KIF18A: variants seen among roughly 807,000 people sequenced by gnomAD.
KIF18A encodes kinesin-like protein KIF18A.
A neutral mutation model predicts 103.3 loss-of-function variants in KIF18A; 67 were observed. That is an observed-to-expected ratio of 0.65 (90% CI 0.53 to 0.79). The LOEUF (loss-of-function observed/expected upper bound fraction) is 0.79. KIF18A is among the 30% of genes least tolerant of loss of function. KIF18A has a pLI of 0.00. For missense variants in KIF18A, 1,032 were observed against 1,062.5 expected, an observed-to-expected ratio of 0.97 and a Z score of 0.40; for synonymous variants, 367 against 355.5, an observed-to-expected ratio of 1.03 and a Z score of -0.36.
Position 28,073,254 on chromosome 11 carries a change from T to C in KIF18A, c.1425+3753A>G, listed in dbSNP as rs112459184. ...GGGAATTGGCACGAAGTTTTGAGTA[T>C]AGTTATGCATTTCTACACGTATTGT... On this transcript the variant is annotated intron_variant, in intron 10 of 16. Transcript: ENST00000263181. 6.7e-4 allele frequency among the ~76,000 whole-genome samples: 102 copies of C among 152,120 alleles called. 1 individual carries two copies. The highest frequency in any genetic ancestry group is 2.3e-3 in the African/African-American group (96 of 41,548).
At chr11:28,047,142 A>C (rs535763185) in intron 13 of KIF18A, among the ~76,000 whole-genome samples, 1 of 152,050 alleles carries the variant, frequency 6.6e-6, no homozygotes, top group African/African-American at 2.4e-5. Context: ...ATATTCCAAT[A>C]GAAAACAGAA....
chr11:28,089,097 G>GT (rs1851269185), intron 5 of KIF18A, among the ~76,000 whole-genome samples: 1 of 152,168 alleles, frequency 6.6e-6, no homozygotes. Flanking sequence ...AGAATGCCTT[G>GT]TATGTATCTA....
rs907443595 is a variant in KIF18A at position 28,058,822 on chromosome 11, T to A, written c.1948+104A>T. The A allele has an allele frequency of 2.2e-5, 19 of 852,716 alleles. No homozygotes were observed. The Admixed American group carries it at 4.8e-4, about 22-fold the overall frequency. The allele number at this position is 852,716 out of a possible 1,614,324, so 52.8% of individuals were successfully genotyped here. A position where few individuals can be genotyped will look rare whatever the true frequency, so the allele number is the denominator to read the frequency against. ...AAGCTAATTTTCCCATTAATTTTCA[T>A]AAAATAGACAAACCTATTAAAATTA... is the stretch of plus-strand genomic sequence containing the variant. On this transcript the variant is annotated intron_variant, in intron 13 of 16. Coordinates refer to ENST00000263181, the MANE Select transcript of KIF18A (RefSeq NM_031217.4).
intron 1 of KIF18A, among the ~76,000 whole-genome samples, chr11:28,098,753 T>G (rs1383335627): frequency 6.6e-6 from 1 of 151,990 alleles, no homozygotes; most frequent in Non-Finnish European, 1.5e-5. Context: ...CTGGTTCACA[T>G]GCAAAGAAGA....
intron 6 of KIF18A, among the ~76,000 whole-genome samples, chr11:28,086,392 C>A (rs1204264517): frequency 6.6e-6 from 1 of 152,022 alleles, no homozygotes; most frequent in African/African-American, 2.4e-5. Flanking sequence ...TCAAGATTTT[C>A]TTTTACCTAA....
At chr11:28,080,346 CTGTT>C (rs948162581) in intron 9 of KIF18A, among the ~76,000 whole-genome samples, 7 of 121,888 alleles carry the variant, frequency 5.7e-5, no homozygotes, top group African/African-American at 2.0e-4. Context: ...TTTGCAGACA[CTGTT>C]TTTTTTTTTT....
At chr11:28,025,838 G>T (rs1275671283) in intron 15 of KIF18A, among the ~76,000 whole-genome samples, 2 of 151,868 alleles carry the variant, frequency 1.3e-5, no homozygotes, top group African/African-American at 4.8e-5. Context: ...TTAACCTTTT[G>T]CTCCCTTATA....
intron 13 of KIF18A, among the ~76,000 whole-genome samples, chr11:28,038,956 T>C (rs1850526746): frequency 6.6e-6 from 1 of 151,662 alleles, no homozygotes; most frequent in South Asian, 2.1e-4. Context: ...GCAGATTAAC[T>C]TCTTTTCCCA....
chr11:28,098,718 T>C (rs1851406605), intron 1 of KIF18A, among the ~76,000 whole-genome samples: 1 of 152,148 alleles, frequency 6.6e-6, no homozygotes, highest in Admixed American at 6.6e-5. Context: ...ATAGCAGGTT[T>C]AAAAATTATG....
At chr11:28,094,598 C>T (rs778341827) in intron 3 of KIF18A, 45 bp downstream of exon 3, 17 of 1,344,116 alleles carry the variant, frequency 1.3e-5, no homozygotes, top group Non-Finnish European at 1.8e-5. Flanking sequence ...TGAATCATGT[C>T]AATGATTTCC....
chr11:28,089,466 A>G (rs1227219414), intron 5 of KIF18A, among the ~76,000 whole-genome samples: 3 of 152,212 alleles, frequency 2.0e-5, no homozygotes, highest in Non-Finnish European at 4.4e-5. Context: ...AGTCTCATGT[A>G]CTGTACATAA....
At chr11:28,073,126 A>G (rs896563691) in intron 10 of KIF18A, among the ~76,000 whole-genome samples, 1 of 152,134 alleles carries the variant, frequency 6.6e-6, no homozygotes, top group Non-Finnish European at 1.5e-5. Flanking sequence ...TATGTTTAAC[A>G]TCATGTGCCA....
rs927696163 is a variant in KIF18A at position 28,039,447 on chromosome 11, A to C, written c.1949-2783T>G. Among the ~76,000 whole-genome samples, 4 of 151,756 alleles carry C rather than the reference A, an allele frequency of 2.6e-5. No homozygotes were observed. In the East Asian group the frequency reaches 7.7e-4, roughly 29 times the overall value. ...CATTTTAAACTTTAAAATACAATGG[A>C]ACATGAAATCTCAAGGGACAAGAAT... On this transcript the variant is annotated intron_variant, in intron 13 of 16. Coordinates refer to ENST00000263181, the MANE Select transcript of KIF18A (RefSeq NM_031217.4).
intron 9 of KIF18A, among the ~76,000 whole-genome samples, chr11:28,080,091 A>C (rs2133549999): frequency 6.6e-6 from 1 of 152,252 alleles, no homozygotes; most frequent in East Asian, 1.9e-4. Context: ...ATTTACATGA[A>C]ATATACAAAT....
intron 10 of KIF18A, among the ~76,000 whole-genome samples, chr11:28,074,522 C>A (rs967860211): frequency 2.0e-5 from 3 of 152,086 alleles, no homozygotes; most frequent in Non-Finnish European, 4.4e-5. Context: ...AAAAAGCACA[C>A]ACTCAATAAA....
rs955711634 is a variant in KIF18A at position 28,021,067 on chromosome 11, C to T, written c.*133G>A. ...ACAAAGAGTTTCATTTTTCTGCTTG[C>T]TGAAAGTACTTGGGTAAACTTAGCT... On this transcript the variant is annotated 3_prime_UTR_variant, in exon 17 of 17. Coordinates refer to ENST00000263181, the MANE Select transcript of KIF18A (RefSeq NM_031217.4). 2.2e-5 allele frequency: 17 copies of T among 787,902 alleles called. No individual in the cohort carries two copies. The East Asian group carries it at 5.5e-4, about 25-fold the overall frequency. The allele number at this position is 787,902 out of a possible 1,614,324, so 48.8% of individuals were successfully genotyped here.
chr11:28,097,911 T>C lies in KIF18A; in HGVS notation c.37A>G (p.Lys13Glu). The C allele has an allele frequency of 6.3e-7, 1 of 1,598,634 alleles. No homozygotes were observed. Among genetic ancestry groups the C allele is most frequent in the Non-Finnish European group, 8.5e-7 (1 of 1,173,500 alleles). ...TCCGGACGTACACGAACTACTACTT[T>C]CATATGGTGGCACAGGTCTTCCTCA... ...VTEEDLCHHMKVVVRVRPENT... is the reference protein window; with the variant it reads ...VTEEDLCHHMEVVVRVRPENT... The change falls in exon 2 of 17, where the codon AAA becomes GAA. Residue 13 changes from lysine (K) to glutamate (E), a missense_variant. By Grantham distance (56) the Lys-to-Glu change is moderately conservative. Coordinates refer to ENST00000263181, the MANE Select transcript of KIF18A (RefSeq NM_031217.4).
At chr11:28,086,538 A>AT (rs1851230848) in intron 6 of KIF18A, among the ~76,000 whole-genome samples, 1 of 152,248 alleles carries the variant, frequency 6.6e-6, no homozygotes, top group Non-Finnish European at 1.5e-5. Context: ...AAGCAACCTA[A>AT]TGTTATCCAA....
At position 28,082,937 on chromosome 11, in the gene KIF18A, T is replaced by A. The variant is rs558049660; in HGVS notation, c.1181A>T (p.Tyr394Phe). Residue 394 changes from tyrosine to phenylalanine, a missense_variant, in exon 9 of 17, where the codon TAT (tyrosine) becomes TTT (phenylalanine). By Grantham distance (22) the Tyr-to-Phe change is conservative (BLOSUM62 3). Coordinates refer to ENST00000263181, the MANE Select transcript of KIF18A (RefSeq NM_031217.4). ...ATTAGTGAAGGCTTTCTGTTCTTCA[T>A]AGGCTTTTAGTTTTTCTTTTAACAA... ...ILLLKEKLKA[Y>F]EEQKAFTNEN... 3 of 1,597,134 alleles carry A rather than the reference T, an allele frequency of 1.9e-6. No homozygotes were observed. The African/African-American group carries it at 4.0e-5, about 21-fold the overall frequency.
Sources: allele counts gnomAD v4.1 joint callset (sites outside exome capture counted in the v4.1 genomes callset), GRCh38; gene constraint gnomAD v4.1.1; transcripts MANE v1.5; gene names NCBI Gene and HGNC (gene_info 2026-07-23, HGNC 2026-07-21).